ASTN2: variants seen among roughly 807,000 people sequenced by gnomAD.
The protein encoded by ASTN2 is astrotactin 2.
ASTN2 carries 54 observed loss-of-function variants against 139.8 expected under a neutral mutation model. That is an observed-to-expected ratio of 0.39 (90% CI 0.31 to 0.48). ASTN2 has a LOEUF of 0.48. ASTN2 is among the 20% of genes least tolerant of loss of function. ASTN2 has a pLI of 0.95. For missense variants in ASTN2, 1,565 were observed against 1,725.1 expected (o/e 0.91, Z 1.64); for synonymous variants, 756 against 719.5 (o/e 1.05, Z -0.81).
intron 16 of ASTN2, among the ~76,000 whole-genome samples, chr9:116,688,769 G>A (rs1860410258): frequency 6.6e-6 from 1 of 152,094 alleles, no homozygotes; most frequent in Non-Finnish European, 1.5e-5. Flanking sequence ...CCAGGGGAAT[G>A]AGTGGAATAA....
chr9:116,757,840 G>A (rs1319568233), intron 13 of ASTN2, among the ~76,000 whole-genome samples: 1 of 151,998 alleles, frequency 6.6e-6, no homozygotes, highest in Non-Finnish European at 1.5e-5. Context: ...GTTTCTCATC[G>A]GCAGAAGGAA....
chr9:116,884,989 G>T (rs1018171888), intron 10 of ASTN2, among the ~76,000 whole-genome samples: 8 of 151,770 alleles, frequency 5.3e-5, no homozygotes, highest in Admixed American at 4.6e-4. Flanking sequence ...CTAATTTTTT[G>T]TATTTTTAGT....
At chr9:117,351,573 C>G (rs1829389215) in intron 1 of ASTN2, among the ~76,000 whole-genome samples, 1 of 152,148 alleles carries the variant, frequency 6.6e-6, no homozygotes, top group African/African-American at 2.4e-5. Flanking sequence ...CTGTTTCTCC[C>G]TTCAAGTCTC....
intron 19 of ASTN2, among the ~76,000 whole-genome samples, chr9:116,511,747 C>T (rs1850393251): frequency 6.6e-6 from 1 of 151,978 alleles, no homozygotes; most frequent in East Asian, 1.9e-4. Context: ...TGGATGTGTC[C>T]AGGAATTTAT....
chr9:116,970,128 G>C (rs1181467958), intron 10 of ASTN2, among the ~76,000 whole-genome samples: 1 of 152,110 alleles, frequency 6.6e-6, no homozygotes, highest in African/African-American at 2.4e-5. Context: ...TTTCTTATAA[G>C]GGTACTCATT....
At chr9:116,459,357 G>C (rs1394741627) in intron 20 of ASTN2, among the ~76,000 whole-genome samples, 1 of 151,996 alleles carries the variant, frequency 6.6e-6, no homozygotes, top group East Asian at 1.9e-4. Context: ...TTAGGCAGTA[G>C]TTTTCTTGGA....
intron 19 of ASTN2, among the ~76,000 whole-genome samples, chr9:116,587,729 T>A (rs945440340): frequency 3.3e-5 from 5 of 152,158 alleles, no homozygotes; most frequent in African/African-American, 1.2e-4. Flanking sequence ...TGAGCTTCTA[T>A]TGACATATCT....
intron 6 of ASTN2, 103 bp downstream of exon 6, chr9:117,039,716 T>G: frequency 7.8e-7 from 1 of 1,285,860 alleles, no homozygotes; most frequent in South Asian, 2.1e-5. Flanking sequence ...CTGTAATATA[T>G]GTAATAGTAA....
At chr9:116,603,763 G>C (rs1180712176) in intron 19 of ASTN2, among the ~76,000 whole-genome samples, 1 of 152,190 alleles carries the variant, frequency 6.6e-6, no homozygotes, top group South Asian at 2.1e-4. Context: ...GGAGATTCTG[G>C]TGAGTGAAGA....
At chr9:117,272,101 G>C (rs190862512) in intron 2 of ASTN2, among the ~76,000 whole-genome samples, 148 of 152,300 alleles carry the variant, frequency 9.7e-4, no homozygotes, top group African/African-American at 3.5e-3. Flanking sequence ...GCAAACTTTT[G>C]CCTGGGCTTC....
At chr9:117,241,525 C>T (rs1454841675) in intron 2 of ASTN2, among the ~76,000 whole-genome samples, 1 of 152,282 alleles carries the variant, frequency 6.6e-6, no homozygotes, top group Admixed American at 6.5e-5. Context: ...CACCTCAGAT[C>T]ATCAGGCATG....
intron 5 of ASTN2, among the ~76,000 whole-genome samples, chr9:117,072,012 A>G (rs1236375296): frequency 1.3e-5 from 2 of 152,104 alleles, no homozygotes; most frequent in African/African-American, 2.4e-5. Context: ...AGCTGTTCCT[A>G]TTCGGCCATC....
intron 1 of ASTN2, among the ~76,000 whole-genome samples, chr9:117,382,745 C>T (rs371869010): frequency 1.3e-5 from 2 of 152,118 alleles, no homozygotes; most frequent in Admixed American, 1.3e-4. Context: ...GAATGAATGC[C>T]GTGAGCACAG....
intron 6 of ASTN2, among the ~76,000 whole-genome samples, chr9:117,038,989 C>G (rs1838473651): frequency 6.6e-6 from 1 of 152,150 alleles, no homozygotes; most frequent in Non-Finnish European, 1.5e-5. Flanking sequence ...CCAAGACATT[C>G]AGGAAATTCC....
At chr9:116,930,900 C>T (rs1016319092) in intron 10 of ASTN2, among the ~76,000 whole-genome samples, 4 of 151,946 alleles carry the variant, frequency 2.6e-5, no homozygotes, top group African/African-American at 4.8e-5. Flanking sequence ...ACCAATGCTT[C>T]GGAAACTCAT....
At chr9:116,485,059 G>A (rs1001829425) in intron 20 of ASTN2, among the ~76,000 whole-genome samples, 2 of 152,188 alleles carry the variant, frequency 1.3e-5, no homozygotes, top group Non-Finnish European at 2.9e-5. Flanking sequence ...GTTAGATGCT[G>A]TATCTCCTAT....
intron 10 of ASTN2, among the ~76,000 whole-genome samples, chr9:116,909,259 A>G (rs924970067): frequency 1.6e-4 from 25 of 152,240 alleles, no homozygotes; most frequent in African/African-American, 6.0e-4. Flanking sequence ...AGAGGTCACC[A>G]TCTTCCAAGG....
At chr9:117,234,808 C>A (rs1300849272) in intron 2 of ASTN2, among the ~76,000 whole-genome samples, 1 of 152,148 alleles carries the variant, frequency 6.6e-6, no homozygotes, top group East Asian at 1.9e-4. Flanking sequence ...TAGAACCTGG[C>A]CCCTTGGTGG....
chr9:116,737,959 G>C (rs1005048106), intron 13 of ASTN2, among the ~76,000 whole-genome samples: 2 of 151,956 alleles, frequency 1.3e-5, no homozygotes, highest in African/African-American at 4.8e-5. Flanking sequence ...TTGGGAGGCC[G>C]AGGCGGGCGG....
Sources: allele counts gnomAD v4.1 joint callset (sites outside exome capture counted in the v4.1 genomes callset), GRCh38; gene constraint gnomAD v4.1.1; transcripts MANE v1.5; gene names NCBI Gene and HGNC (gene_info 2026-07-23, HGNC 2026-07-21).